The following GATAD2B variants were observed in gnomAD, a reference collection of about 807,000 sequenced individuals.
The protein encoded by GATAD2B is GATA zinc finger domain containing 2B.
In GATAD2B, 8 loss-of-function variants were observed where a neutral mutation model predicts 64.3. That is an observed-to-expected ratio of 0.12 (90% confidence interval 0.07 to 0.22). The LOEUF (loss-of-function observed/expected upper bound fraction) is 0.22. Ranked by LOEUF, GATAD2B falls within the 10% of genes least tolerant of loss-of-function variation. The pLI, the probability that GATAD2B is intolerant of heterozygous loss-of-function variation, is 1.00. For missense variants in GATAD2B, 453 were observed against 752.0 expected (o/e 0.60, Z 4.65); for synonymous variants, 281 against 271.3 (o/e 1.04, Z -0.35).
chr1:153,910,031 C>CT (rs1678067427), intron 1 of GATAD2B, among the ~76,000 whole-genome samples: 1 of 151,744 alleles, frequency 6.6e-6, no homozygotes, highest in African/African-American at 2.4e-5. Flanking sequence ...AGGCGAATTG[C>CT]TTGAACCTAA....
chr1:153,878,162 C>CTT (rs71899872), intron 1 of GATAD2B, among the ~76,000 whole-genome samples: 1 of 145,750 alleles, frequency 6.9e-6, no homozygotes, highest in Admixed American at 6.9e-5. Context: ...ATCCTGCAAT[C>CTT]TTTTTTTTTT....
intron 6 of GATAD2B, 59 bp downstream of exon 6, chr1:153,817,313 C>CAAGCA (rs1475409669): frequency 7.0e-6 from 10 of 1,437,270 alleles, no homozygotes; most frequent in Non-Finnish European, 8.3e-6. Flanking sequence ...GCCCTTTCGA[C>CAAGCA]AAGCAAAGCA....
intron 1 of GATAD2B, among the ~76,000 whole-genome samples, chr1:153,866,400 T>C (rs747298430): frequency 1.2e-4 from 19 of 152,252 alleles, no homozygotes; most frequent in Non-Finnish European, 1.8e-4. Context: ...AGTGGGCCTG[T>C]GTCCTCTACT....
chr1:153,901,089 CTG>C lies in GATAD2B; in HGVS notation c.-2+21642_-2+21643del, dbSNP rs533808692. Among the ~76,000 whole-genome samples, 292 of 152,054 alleles carry C rather than the reference CTG, an allele frequency of 1.9e-3. 2 individuals carry two copies. Among genetic ancestry groups the C allele is most frequent in the African/African-American group, 6.7e-3 (276 of 41,474 alleles). Reference sequence around the variant, plus strand: ...ATTAGCCAGGTGTGGTGGCCTGTGCCTGTAATCCAAGCTACTCAGGAGGCTGA... The same window carrying C: ...ATTAGCCAGGTGTGGTGGCCTGTGCCTAATCCAAGCTACTCAGGAGGCTGA... On this transcript the variant is annotated intron_variant, in intron 1 of 10. Coordinates refer to ENST00000368655, the MANE Select transcript of GATAD2B (RefSeq NM_020699.4).
At chr1:153,871,456 C>A (rs1027330276) in intron 1 of GATAD2B, among the ~76,000 whole-genome samples, 1 of 152,032 alleles carries the variant, frequency 6.6e-6, no homozygotes, top group African/African-American at 2.4e-5. Context: ...TCTGCCTTGG[C>A]CTTCCAAAGT....
In GATAD2B at chr1:153,809,976, C is replaced by T. The variant is rs41302143; in HGVS notation, c.*201G>A. On this transcript the variant is annotated 3_prime_UTR_variant, in exon 11 of 11. Coordinates refer to ENST00000368655, the MANE Select transcript of GATAD2B (RefSeq NM_020699.4). ...GACAGAGCGGCAGAAGAACAGATCGCAGCAGTGTGAAATAAAGGGGAGGTG... is the reference window on the plus strand; with the variant it reads ...GACAGAGCGGCAGAAGAACAGATCGTAGCAGTGTGAAATAAAGGGGAGGTG... 6 of 539,268 alleles carry T rather than the reference C, an allele frequency of 1.1e-5. No individual in the cohort carries two copies. Among genetic ancestry groups the T allele is most frequent in the Non-Finnish European group, 2.0e-5 (6 of 307,414 alleles). The allele number at this position is 539,268 out of a possible 1,614,324, so 33.4% of individuals were successfully genotyped here. A position where few individuals can be genotyped will look rare whatever the true frequency, so the allele number is the denominator to read the frequency against.
At chr1:153,832,727 G>A (rs897889536) in intron 1 of GATAD2B, among the ~76,000 whole-genome samples, 1 of 152,068 alleles carries the variant, frequency 6.6e-6, no homozygotes, top group African/African-American at 2.4e-5. Context: ...GCTGGGGTTT[G>A]GGCTTCTATT....
chr1:153,813,486 A>G (rs1270736632), intron 7 of GATAD2B, 34 bp from the exon 8 acceptor site: 2 of 1,387,772 alleles, frequency 1.4e-6, no homozygotes, highest in Non-Finnish European at 2.1e-6. Context: ...GTGGCTTTAC[A>G]TTTCCTATCT....
intron 1 of GATAD2B, among the ~76,000 whole-genome samples, chr1:153,854,042 C>T (rs1320371501): frequency 4.6e-5 from 7 of 152,118 alleles, no homozygotes; most frequent in Non-Finnish European, 1.0e-4. Context: ...TCAAGGCTCC[C>T]TGCTTTATAT....
Position 153,808,477 on chromosome 1 carries a change from A to T in GATAD2B, c.*1700T>A, listed in dbSNP as rs1379303423. The T allele has an allele frequency of 6.6e-6, 1 of 152,638 alleles. No homozygotes were observed. The highest frequency in any genetic ancestry group is 2.4e-5 in the African/African-American group (1 of 41,442). 9.5% of individuals were successfully genotyped at this position (152,638 alleles called of 1,614,324 possible). ...TGTTAATTTTAAAAGTGCCTTCTTT[A>T]AAAAATTACTTAATTTTAAAAAATA... On this transcript the variant is annotated 3_prime_UTR_variant, in exon 11 of 11. Transcript: ENST00000368655.
rs1674471651 is a variant in GATAD2B, at chr1:153,816,069, C to CACACACACAG, written c.1216+203_1216+204insCTGTGTGTGT. The stretch of plus-strand genomic sequence containing the variant: ...CTGCATCTCAAACAAAACACACACA[C>CACACACACAG]ACACACACACACACACACACACACA... On this transcript the variant is annotated intron_variant, in intron 7 of 10. Coordinates refer to ENST00000368655, the MANE Select transcript of GATAD2B (RefSeq NM_020699.4). This position sits in a 1 kb window ranked among gnomAD's most constrained non-coding sequence, Gnocchi z 4.9. Among the ~76,000 whole-genome samples the CACACACACAG allele has an allele frequency of 6.6e-6, 1 of 150,414 alleles. No homozygotes were observed. Among genetic ancestry groups the CACACACACAG allele is most frequent in the Non-Finnish European group, 1.5e-5 (1 of 67,316 alleles).
chr1:153,817,373 G>A lies in GATAD2B; in HGVS notation c.899C>T (p.Pro300Leu), dbSNP rs370155105. Residue 300 changes from proline (P) to leucine (L), a missense_variant and splice_region_variant, in exon 6 of 11, where the codon CCG becomes CTG. Pro to Leu is a moderately conservative substitution (Grantham distance 98). Around this residue, in one of 2 missense-constraint regions of GATAD2B, gnomAD observed 293 missense variants for 417.2 expected, o/e 0.70. Coordinates refer to ENST00000368655, the MANE Select transcript of GATAD2B (RefSeq NM_020699.4). ...CATTAGGGCTCAGCTCTCTCTTACC[G>A]GTTGATAATTGATGGCGGGATTCAT... ...PNMNPAINYQ[P>L]QSSSSVPCQR... 110 of 1,560,624 alleles carry A rather than the reference G, an allele frequency of 7.0e-5. No individual in the cohort carries two copies. Among genetic ancestry groups the A allele is most frequent in the Non-Finnish European group, 8.5e-5 (98 of 1,155,612 alleles).
intron 1 of GATAD2B, among the ~76,000 whole-genome samples, chr1:153,849,480 T>C (rs1301608085): frequency 6.6e-6 from 1 of 152,210 alleles, no homozygotes; most frequent in Non-Finnish European, 1.5e-5. Flanking sequence ...TGTCCAAAAT[T>C]GTTTCTTCCC....
At position 153,892,692 on chromosome 1, in the gene GATAD2B, CTTTT is replaced by C. The variant is rs144331770; in HGVS notation, c.-2+30037_-2+30040del. Among the ~76,000 whole-genome samples the C allele has an allele frequency of 1.2e-4, 12 of 97,836 alleles. No homozygotes were observed. In the East Asian group the frequency reaches 2.2e-3, roughly 18 times the overall value. 64.2% of individuals were successfully genotyped at this position (97,836 alleles called of 152,430 possible). ...AGTATCCAGTAGACTTGTAAGAAAC[CTTTT>C]TTTTTTTTTTTTTTTTTTGAGACAG... On this transcript the variant is annotated intron_variant, in intron 1 of 10. Coordinates refer to ENST00000368655, the MANE Select transcript of GATAD2B (RefSeq NM_020699.4).
intron 1 of GATAD2B, chr1:153,852,190 T>G: frequency 1.1e-6 from 1 of 921,478 alleles, no homozygotes; most frequent in Non-Finnish European, 1.8e-6. Context: ...CTCAGTCAGT[T>G]GAGGGTGAAA....
At chr1:153,824,660 C>A (rs2101888315) in intron 2 of GATAD2B, among the ~76,000 whole-genome samples, 1 of 139,750 alleles carries the variant, frequency 7.2e-6, no homozygotes, top group Non-Finnish European at 1.5e-5. Context: ...GGAAGTCTGA[C>A]TTTTTAACAT....
chr1:153,883,921 AGAGACC>A (rs1346597182), intron 1 of GATAD2B, among the ~76,000 whole-genome samples: 1 of 152,196 alleles, frequency 6.6e-6, no homozygotes, highest in Non-Finnish European at 1.5e-5. Flanking sequence ...TATAGTGGGC[AGAGACC>A]CTACTCTTTT....
rs925350906 is a variant in GATAD2B at position 153,922,862 on chromosome 1, G to C, written c.-131C>G. ...GGGACTAGGGACGGGGGTAGGGGAG[G>C]GGGGCGGGCCGGACCGGGGCGGGCG... On this transcript the variant is annotated 5_prime_UTR_variant, in exon 1 of 11. Coordinates refer to ENST00000368655, the MANE Select transcript of GATAD2B (RefSeq NM_020699.4). 1.3e-5 allele frequency: 2 copies of C among 150,776 alleles called. No individual in the cohort carries two copies. The highest frequency in any genetic ancestry group is 3.0e-5 in the Non-Finnish European group (2 of 67,200). The allele number at this position is 150,776 out of a possible 1,614,324, so 9.3% of individuals were successfully genotyped here. A position where few individuals can be genotyped will look rare whatever the true frequency, so the allele number is the denominator to read the frequency against.
intron 1 of GATAD2B, among the ~76,000 whole-genome samples, chr1:153,912,570 C>T (rs1295773155): frequency 6.6e-6 from 1 of 152,154 alleles, no homozygotes; most frequent in African/African-American, 2.4e-5. Context: ...AACCTGTCCA[C>T]GGCAGTAGCA....
Sources: allele counts gnomAD v4.1 joint callset (sites outside exome capture counted in the v4.1 genomes callset), GRCh38; gene constraint gnomAD v4.1.1; regional missense constraint gnomAD v4.1.1; non-coding constraint Gnocchi (gnomAD v3.1); transcripts MANE v1.5; gene names NCBI Gene and HGNC (gene_info 2026-07-23, HGNC 2026-07-21).